The following ARHGEF38 variants were observed in gnomAD, a reference collection of about 807,000 sequenced individuals.
ARHGEF38 encodes the protein Rho guanine nucleotide exchange factor (GEF) 38.
In ARHGEF38, 79 loss-of-function variants were observed where a neutral mutation model predicts 79.9. The ratio of observed to expected loss-of-function variants is 0.99; its 90% CI spans 0.82 to 1.19. ARHGEF38 has a LOEUF of 1.19. Among genes scored for constraint, ARHGEF38 ranks in the 50% most tolerant of loss-of-function variants. ARHGEF38 has a pLI of 0.00. For missense variants in ARHGEF38, 962 were observed against 907.2 expected, an observed-to-expected ratio of 1.06 and a Z score of -0.78; for synonymous variants, 366 against 328.3, an observed-to-expected ratio of 1.11 and a Z score of -1.24.
rs1057465285 is a variant in ARHGEF38 at position 105,646,977 on chromosome 4, C to A, written c.875-1572C>A. On this transcript the variant is annotated intron_variant, in intron 6 of 13. Transcript: ENST00000420470. ...TAAAAATAGATACAGATATTATAAG[C>A]CCCAATATTTAGGATAACAGTTCCC... is the stretch of plus-strand genomic sequence containing the variant. Among the ~76,000 whole-genome samples the A allele has an allele frequency of 2.0e-5, 3 of 151,980 alleles. 1 individual carries two copies. In the South Asian group the frequency reaches 6.2e-4, roughly 31 times the overall value.
chr4:105,566,878 C>T (rs1444958864), intron 1 of ARHGEF38, among the ~76,000 whole-genome samples: 2 of 152,052 alleles, frequency 1.3e-5, no homozygotes, highest in African/African-American at 2.4e-5. Flanking sequence ...CTCAGCCTCC[C>T]GAGTAGCTGG....
chr4:105,561,454 A>AGAATAGAATAGAATG (rs1725570607), intron 1 of ARHGEF38: 1 of 36,218 alleles, frequency 2.8e-5, no homozygotes, highest in African/African-American at 1.1e-4. Context: ...AGAATGGAAT[A>AGAATAGAATAGAATG]GAATAGAATA....
chr4:105,635,903 G>C (rs955805289), intron 4 of ARHGEF38, among the ~76,000 whole-genome samples: 4 of 152,062 alleles, frequency 2.6e-5, no homozygotes, highest in African/African-American at 9.7e-5. Context: ...CATATAGCAT[G>C]TCTGGAGATT....
chr4:105,599,697 A>G lies in ARHGEF38; in HGVS notation c.384+10262A>G, dbSNP rs114060734. 6.3e-3 allele frequency among the ~76,000 whole-genome samples: 962 copies of G among 152,334 alleles called. 9 individuals carry two copies. The highest frequency in any genetic ancestry group is 0.022 in the African/African-American group (924 of 41,586). On this transcript the variant is annotated intron_variant, in intron 2 of 13. Transcript: ENST00000420470. ...TAGCCATGCATATCAGTACAGGGCG[A>G]TAAATCCTGGACTCCAAACAATAAC... is the stretch of plus-strand genomic sequence containing the variant.
intron 2 of ARHGEF38, among the ~76,000 whole-genome samples, chr4:105,599,465 C>T (rs1182382489): frequency 6.6e-6 from 1 of 152,150 alleles, no homozygotes; most frequent in East Asian, 1.9e-4. Context: ...AGTCATCCCT[C>T]AGCCTGGGCA....
chr4:105,634,111 C>T (rs1729305244), intron 4 of ARHGEF38, among the ~76,000 whole-genome samples: 2 of 149,976 alleles, frequency 1.3e-5, no homozygotes, highest in Admixed American at 1.3e-4. Flanking sequence ...TGCCTCAGAC[C>T]AAAAAAAAAT....
chr4:105,646,358 A>G (rs1414645689), intron 6 of ARHGEF38, among the ~76,000 whole-genome samples: 1 of 152,228 alleles, frequency 6.6e-6, no homozygotes, highest in African/African-American at 2.4e-5. Flanking sequence ...TTGTAATACA[A>G]AAAGGTTAAA....
Position 105,613,013 on chromosome 4 carries a change from G to A in ARHGEF38, c.385-371G>A, listed in dbSNP as rs778244371. Among the ~76,000 whole-genome samples, 13 of 151,918 alleles carry A rather than the reference G, an allele frequency of 8.6e-5. 1 individual carries two copies. The highest frequency in any genetic ancestry group is 4.2e-4 in the South Asian group (2 of 4,806). The stretch of plus-strand genomic sequence containing the variant: ...AGCTTTGAAAATCGTTACTTGCCTC[G>A]GGTAAGGTCTGACTTCTGCTGTATA... On this transcript the variant is annotated intron_variant, in intron 2 of 13. Transcript: ENST00000420470.
At chr4:105,640,815 C>T (rs1326705828) in intron 5 of ARHGEF38, among the ~76,000 whole-genome samples, 2 of 152,138 alleles carry the variant, frequency 1.3e-5, no homozygotes, top group Non-Finnish European at 2.9e-5. Flanking sequence ...CATTTTCTAG[C>T]TTTCAGAGTT....
chr4:105,553,867 C>A (rs1168433491), intron 1 of ARHGEF38, among the ~76,000 whole-genome samples: 2 of 152,068 alleles, frequency 1.3e-5, no homozygotes, highest in African/African-American at 4.8e-5. Flanking sequence ...TGTGAGCTGT[C>A]GTTTTGGATT....
intron 1 of ARHGEF38, among the ~76,000 whole-genome samples, chr4:105,555,450 G>T (rs1224027878): frequency 6.6e-6 from 1 of 152,050 alleles, no homozygotes; most frequent in Non-Finnish European, 1.5e-5. Context: ...TTTGTTCTCT[G>T]GCCTGTACGA....
At chr4:105,609,564 T>G (rs762643708) in intron 2 of ARHGEF38, among the ~76,000 whole-genome samples, 1 of 152,086 alleles carries the variant, frequency 6.6e-6, no homozygotes, top group Non-Finnish European at 1.5e-5. Flanking sequence ...GCAATTCCTA[T>G]TAAAATTTCA....
intron 1 of ARHGEF38, chr4:105,563,321 C>T (rs1394956660): frequency 2.0e-5 from 3 of 152,172 alleles, no homozygotes; most frequent in Admixed American, 2.0e-4. Flanking sequence ...GGGCAGAAGC[C>T]ATTCCAGGCA....
chr4:105,629,041 C>T (rs918786639), intron 3 of ARHGEF38, among the ~76,000 whole-genome samples: 1 of 151,482 alleles, frequency 6.6e-6, no homozygotes, highest in African/African-American at 2.4e-5. Context: ...GGCACTAAGA[C>T]TCAAATAATT....
chr4:105,589,194 AG>A, intron 1 of ARHGEF38, 53 bp from the exon 2 acceptor site: 10 of 1,463,792 alleles, frequency 6.8e-6, no homozygotes, highest in Non-Finnish European at 9.2e-6. Flanking sequence ...TTTGTAATGA[AG>A]GAAAAAGAAA....
intron 2 of ARHGEF38, among the ~76,000 whole-genome samples, chr4:105,612,581 TTAAAC>T: frequency 6.6e-6 from 1 of 152,114 alleles, no homozygotes; most frequent in East Asian, 1.9e-4. Context: ...GAGATCCAAC[TTAAAC>T]TAAAGGGAAT....
At position 105,596,607 on chromosome 4, in the gene ARHGEF38, T is replaced by G. The variant is rs144223394; in HGVS notation, c.384+7172T>G. Reference sequence around the variant, plus strand: ...TAGCCAAAGTCCCATTGACTTCCTATGCATTTTAAGCTATATTTACTGCTA... The same window carrying G: ...TAGCCAAAGTCCCATTGACTTCCTAGGCATTTTAAGCTATATTTACTGCTA... On this transcript the variant is annotated intron_variant, in intron 2 of 13. Transcript: ENST00000420470. Among the ~76,000 whole-genome samples the G allele has an allele frequency of 5.0e-3, 756 of 152,358 alleles. 10 individuals are homozygous for G. Among genetic ancestry groups the G allele is most frequent in the African/African-American group, 0.017 (717 of 41,584 alleles).
At chr4:105,598,338 A>T (rs1328163653) in intron 2 of ARHGEF38, among the ~76,000 whole-genome samples, 2 of 152,162 alleles carry the variant, frequency 1.3e-5, no homozygotes, top group Non-Finnish European at 2.9e-5. Flanking sequence ...CAGGCTGATA[A>T]TTCCAAAGTA....
At chr4:105,633,249 C>A (rs1255395040) in intron 4 of ARHGEF38, among the ~76,000 whole-genome samples, 1 of 152,122 alleles carries the variant, frequency 6.6e-6, no homozygotes, top group Admixed American at 6.5e-5. Flanking sequence ...GCTATTTTCC[C>A]AAAAGTTGCC....
Sources: allele counts gnomAD v4.1 joint callset (sites outside exome capture counted in the v4.1 genomes callset), GRCh38; gene constraint gnomAD v4.1.1; transcripts MANE v1.5; gene names NCBI Gene and HGNC (gene_info 2026-07-23, HGNC 2026-07-21).